PAM: variants seen among roughly 807,000 people sequenced by gnomAD.
PAM encodes peptidylglycine alpha-amidating monooxygenase.
A neutral mutation model predicts 122.1 loss-of-function variants in PAM; 72 were observed. The observed-to-expected ratio is 0.59, with a 90% CI of 0.49 to 0.72. The LOEUF is 0.72. PAM is among the 30% of genes least tolerant of loss of function. PAM has a pLI of 0.00. For synonymous variants in PAM, 389 were observed against 404.4 expected (o/e 0.96, Z 0.46); for missense variants, 1,106 against 1,183.7 (o/e 0.93, Z 0.96).
chr5:102,959,674 A>G (rs1324303033), intron 12 of PAM, among the ~76,000 whole-genome samples: 2 of 152,130 alleles, frequency 1.3e-5, no homozygotes, highest in African/African-American at 4.8e-5. Flanking sequence ...CTGACACTCC[A>G]TTGTTAAGTG....
intron 15 of PAM, among the ~76,000 whole-genome samples, chr5:102,988,679 AAAAG>A (rs1481373619): frequency 9.6e-5 from 14 of 145,666 alleles, no homozygotes; most frequent in South Asian, 8.5e-4. Flanking sequence ...AAGGAAAGGG[AAAAG>A]AAAGAAGGAA....
chr5:102,987,178 G>A (rs1228984649), intron 15 of PAM, among the ~76,000 whole-genome samples: 1 of 152,154 alleles, frequency 6.6e-6, no homozygotes, highest in East Asian at 1.9e-4. Context: ...TGGATAGAGA[G>A]AAGGTGGTGT....
intron 5 of PAM, among the ~76,000 whole-genome samples, chr5:102,914,500 G>T (rs540092037): frequency 6.6e-6 from 1 of 152,158 alleles, no homozygotes; most frequent in African/African-American, 2.4e-5. Flanking sequence ...TGTAAAGAAA[G>T]TCTGAAAATA....
At position 102,865,931 on chromosome 5, in the gene PAM, G is replaced by T; in HGVS notation, c.-265G>T. On this transcript the variant is annotated 5_prime_UTR_variant, in exon 2 of 26. Coordinates refer to ENST00000438793, the MANE Select transcript of PAM (RefSeq NM_001177306.2). ...AGCCCCAGCGCCAGGGCACGCGAGCGGCGCTGGAGGGAGGAAAGCTTCCGC... is the reference window on the plus strand; with the variant it reads ...AGCCCCAGCGCCAGGGCACGCGAGCTGCGCTGGAGGGAGGAAAGCTTCCGC... The T allele has an allele frequency of 2.6e-6, 1 of 380,882 alleles. No individual in the cohort carries two copies. 23.6% of individuals were successfully genotyped at this position (380,882 alleles called of 1,614,324 possible). A position where few individuals can be genotyped will look rare whatever the true frequency, so the allele number is the denominator to read the frequency against.
At chr5:102,885,590 A>G (rs1792795262) in intron 3 of PAM, among the ~76,000 whole-genome samples, 1 of 151,978 alleles carries the variant, frequency 6.6e-6, no homozygotes, top group Admixed American at 6.6e-5. Context: ...AATAGTCTCT[A>G]TATTTTTTCT....
At chr5:102,918,136 G>A (rs1581684181) in intron 5 of PAM, among the ~76,000 whole-genome samples, 1 of 152,274 alleles carries the variant, frequency 6.6e-6, no homozygotes, top group East Asian at 1.9e-4. Flanking sequence ...AGGACCAGCT[G>A]ATGGAAAAGA....
At chr5:102,898,945 C>T (rs946423479) in intron 3 of PAM, among the ~76,000 whole-genome samples, 21 of 151,592 alleles carry the variant, frequency 1.4e-4, no homozygotes, top group Non-Finnish European at 2.2e-4. Flanking sequence ...AAAATGGTGT[C>T]TGTAATACCT....
intron 7 of PAM, among the ~76,000 whole-genome samples, chr5:102,942,121 C>CCAAT (rs144301176): frequency 0.021 from 3,144 of 152,156 alleles, 110 homozygotes; most frequent in African/African-American, 0.071. Flanking sequence ...GCAATCTGTT[C>CCAAT]CAATGCTAAG....
chr5:102,848,736 T>C (rs1243232229), intron 1 of PAM, among the ~76,000 whole-genome samples: 1 of 151,976 alleles, frequency 6.6e-6, no homozygotes, highest in Non-Finnish European at 1.5e-5. Context: ...AGGAAATCCC[T>C]CACAAAGAAG....
chr5:102,960,294 T>C (rs1439910372), intron 13 of PAM, among the ~76,000 whole-genome samples: 2 of 151,994 alleles, frequency 1.3e-5, no homozygotes, highest in Non-Finnish European at 2.9e-5. Flanking sequence ...ACAGATTCAT[T>C]TTGGGACCAA....
At chr5:102,847,678 C>A (rs7719465) in intron 1 of PAM, among the ~76,000 whole-genome samples, 2 of 151,988 alleles carry the variant, frequency 1.3e-5, no homozygotes, top group Admixed American at 6.5e-5. Flanking sequence ...AATATCATTC[C>A]GCTCTCTAAA....
chr5:102,903,970 C>T (rs886612049), intron 4 of PAM, among the ~76,000 whole-genome samples: 1 of 151,514 alleles, frequency 6.6e-6, no homozygotes, highest in Non-Finnish European at 1.5e-5. Context: ...CTTAACAAAA[C>T]AAATAACAAA....
chr5:102,899,482 AAAG>A (rs1469486045), intron 3 of PAM, among the ~76,000 whole-genome samples: 1 of 151,716 alleles, frequency 6.6e-6, no homozygotes, highest in Non-Finnish European at 1.5e-5. Context: ...TCCAAATTAA[AAAG>A]AAGTTCTGTT....
intron 1 of PAM, among the ~76,000 whole-genome samples, chr5:102,856,112 T>C (rs1005385710): frequency 5.3e-5 from 8 of 152,160 alleles, no homozygotes; most frequent in Non-Finnish European, 1.0e-4. Context: ...TGAAATGGCA[T>C]ATTACGGACA....
chr5:102,996,625 G>A lies in PAM; in HGVS notation c.1613+6224G>A, dbSNP rs144860264. Among the ~76,000 whole-genome samples, 24 of 152,244 alleles carry A rather than the reference G, an allele frequency of 1.6e-4. No homozygotes were observed. The East Asian group carries it at 4.2e-3, about 27-fold the overall frequency. On this transcript the variant is annotated intron_variant, in intron 16 of 25. Transcript: ENST00000438793. The stretch of plus-strand genomic sequence containing the variant: ...CCGTCAGGGACCAGCTGTTAGTTCC[G>A]TGAAGCTCCAGCCATCCCAAGTGAA...
chr5:102,804,415 G>A (rs1203039888), intron 1 of PAM, among the ~76,000 whole-genome samples: 1 of 152,182 alleles, frequency 6.6e-6, no homozygotes, highest in Non-Finnish European at 1.5e-5. Context: ...GCAGTAGTGG[G>A]AATGGAACAG....
At chr5:102,799,731 G>A (rs1251287280) in intron 1 of PAM, among the ~76,000 whole-genome samples, 3 of 152,108 alleles carry the variant, frequency 2.0e-5, no homozygotes, top group East Asian at 1.9e-4. Flanking sequence ...CTCAGACTCC[G>A]TCTCAACACA....
At chr5:102,768,574 A>G (rs996283567) in intron 1 of PAM, among the ~76,000 whole-genome samples, 3 of 152,166 alleles carry the variant, frequency 2.0e-5, no homozygotes, top group African/African-American at 7.2e-5. Context: ...CTCACAAATA[A>G]GTGAGAACAT....
At chr5:102,951,621 C>G (rs975312320) in intron 12 of PAM, among the ~76,000 whole-genome samples, 4 of 151,882 alleles carry the variant, frequency 2.6e-5, no homozygotes, top group Non-Finnish European at 4.4e-5. Context: ...ATGATTCTTG[C>G]GATAGCAACA....
Sources: gnomAD v4.1 joint callset for allele counts (sites outside exome capture counted in the v4.1 genomes callset) on GRCh38, gnomAD v4.1.1 for gene constraint, MANE v1.5 for transcripts, NCBI Gene and HGNC (gene_info 2026-07-23, HGNC 2026-07-21) for gene names.